PTPRG: variants seen among roughly 807,000 people sequenced by gnomAD.
PTPRG encodes protein tyrosine phosphatase receptor type G.
Under a neutral mutation model 165.3 loss-of-function variants are expected in PTPRG, and 102 were observed. The ratio of observed to expected loss-of-function variants is 0.62; its 90% CI spans 0.53 to 0.73. PTPRG has a LOEUF of 0.73. Ranked by LOEUF, PTPRG falls within the 30% of genes least tolerant of loss-of-function variation. The pLI is 0.00. For synonymous variants in PTPRG, 675 were observed against 669.5 expected (o/e 1.01, Z -0.13); for missense variants, 1,866 against 1,861.4 (o/e 1.00, Z -0.05).
At chr3:61,816,197 G>A (rs1287999464) in intron 2 of PTPRG, among the ~76,000 whole-genome samples, 1 of 152,196 alleles carries the variant, frequency 6.6e-6, no homozygotes, top group Non-Finnish European at 1.5e-5. Flanking sequence ...GTGACATGCT[G>A]TTGTTTTGTG....
intron 14 of PTPRG, among the ~76,000 whole-genome samples, chr3:62,236,635 C>A (rs1701039732): frequency 6.6e-6 from 1 of 152,190 alleles, no homozygotes; most frequent in Non-Finnish European, 1.5e-5. Flanking sequence ...CTACACACTG[C>A]TAATAAACTC....
At chr3:61,748,739 TTG>T (rs373588019) in intron 1 of PTPRG, 137 bp from the exon 2 acceptor site, 11 of 617,252 alleles carry the variant, frequency 1.8e-5, no homozygotes, top group South Asian at 4.2e-5. Flanking sequence ...TTTTTTTTTT[TTG>T]TAAAATAAGT....
intron 1 of PTPRG, among the ~76,000 whole-genome samples, chr3:61,735,524 C>A (rs1387020078): frequency 8.2e-6 from 1 of 121,226 alleles, no homozygotes; most frequent in East Asian, 2.5e-4. Flanking sequence ...ACCCCAATTC[C>A]TTGAGTTTTT....
At chr3:62,020,382 A>C (rs116416811) in intron 4 of PTPRG, among the ~76,000 whole-genome samples, 2 of 152,200 alleles carry the variant, frequency 1.3e-5, no homozygotes, top group Non-Finnish European at 2.9e-5. Flanking sequence ...TTATTTTTGT[A>C]AGCTAGAACA....
chr3:62,215,108 T>C (rs947368367), intron 12 of PTPRG, among the ~76,000 whole-genome samples: 33 of 152,242 alleles, frequency 2.2e-4, no homozygotes, highest in Non-Finnish European at 2.8e-4. Context: ...CAGGAGATGA[T>C]GCTGGGTTGG....
At chr3:61,661,939 T>TC (rs1702679993) in intron 1 of PTPRG, among the ~76,000 whole-genome samples, 1 of 152,234 alleles carries the variant, frequency 6.6e-6, no homozygotes, top group South Asian at 2.1e-4. Flanking sequence ...GCTTAATGCC[T>TC]CATCAAGTAT....
At chr3:61,584,775 C>T (rs1361209852) in intron 1 of PTPRG, among the ~76,000 whole-genome samples, 2 of 152,050 alleles carry the variant, frequency 1.3e-5, no homozygotes, top group African/African-American at 2.4e-5. Flanking sequence ...TTTGTCCAGC[C>T]CTCACACGGA....
chr3:61,752,796 A>AAAAAAGC (rs2033488782), intron 2 of PTPRG, among the ~76,000 whole-genome samples: 1 of 82,064 alleles, frequency 1.2e-5, no homozygotes, highest in South Asian at 4.0e-4. Context: ...AAAAAAAAAA[A>AAAAAAGC]AAAAAGAAAA....
chr3:61,879,688 C>A (rs552112058), intron 2 of PTPRG, among the ~76,000 whole-genome samples: 2 of 152,192 alleles, frequency 1.3e-5, no homozygotes, highest in South Asian at 4.1e-4. Context: ...GGTTTTAATT[C>A]TTCCTTTGCA....
At chr3:62,270,466 C>G (rs1270646070) in intron 20 of PTPRG, among the ~76,000 whole-genome samples, 1 of 152,144 alleles carries the variant, frequency 6.6e-6, no homozygotes, top group Non-Finnish European at 1.5e-5. Flanking sequence ...CAGCAAAAAA[C>G]TTACAAAGCC....
At chr3:61,781,446 G>A (rs1402822912) in intron 2 of PTPRG, among the ~76,000 whole-genome samples, 1 of 152,094 alleles carries the variant, frequency 6.6e-6, no homozygotes, top group Non-Finnish European at 1.5e-5. Flanking sequence ...AAACTAATGA[G>A]GAATACTCTG....
intron 1 of PTPRG, among the ~76,000 whole-genome samples, chr3:61,567,589 C>T (rs1210269915): frequency 1.3e-5 from 2 of 149,544 alleles, no homozygotes; most frequent in Admixed American, 6.8e-5. Context: ...TTGCTTGAGC[C>T]CACGAGGTTG....
intron 5 of PTPRG, among the ~76,000 whole-genome samples, chr3:62,084,823 A>G (rs1435105748): frequency 6.6e-6 from 1 of 152,186 alleles, no homozygotes; most frequent in Non-Finnish European, 1.5e-5. Flanking sequence ...TTTCTTCTGC[A>G]TTAATACTGT....
chr3:61,798,925 C>T (rs1308048102), intron 2 of PTPRG, among the ~76,000 whole-genome samples: 2 of 152,074 alleles, frequency 1.3e-5, no homozygotes, highest in African/African-American at 2.4e-5. Flanking sequence ...GCCAGCCTTC[C>T]GTTCCTGAGC....
intron 1 of PTPRG, among the ~76,000 whole-genome samples, chr3:61,725,106 C>G (rs577789602): frequency 2.0e-5 from 3 of 152,082 alleles, no homozygotes; most frequent in Non-Finnish European, 4.4e-5. Flanking sequence ...GAGTTTCATA[C>G]TTTACATTTA....
chr3:61,999,137 C>T (rs1474982909), intron 3 of PTPRG, among the ~76,000 whole-genome samples: 1 of 152,102 alleles, frequency 6.6e-6, no homozygotes, highest in Non-Finnish European at 1.5e-5. Flanking sequence ...CCTCCGCCTC[C>T]TGGGTTCAAG....
chr3:61,672,768 G>T (rs1466477933), intron 1 of PTPRG, among the ~76,000 whole-genome samples: 2 of 143,028 alleles, frequency 1.4e-5, no homozygotes, highest in Non-Finnish European at 1.5e-5. Flanking sequence ...GGGAGAAGAG[G>T]GAGAGGGAGA....
chr3:62,091,234 CA>C (rs1451947428), intron 5 of PTPRG, among the ~76,000 whole-genome samples: 3 of 152,192 alleles, frequency 2.0e-5, no homozygotes, highest in African/African-American at 7.2e-5. Context: ...GAGGGTGCTT[CA>C]GATCTGATTG....
chr3:61,614,116 CCT>C (rs1184161342), intron 1 of PTPRG, among the ~76,000 whole-genome samples: 2 of 152,188 alleles, frequency 1.3e-5, no homozygotes, highest in African/African-American at 2.4e-5. Flanking sequence ...CATGGGCCTG[CCT>C]CCGCCTCTCA....
Sources: allele counts gnomAD v4.1 joint callset (sites outside exome capture counted in the v4.1 genomes callset), GRCh38; gene constraint gnomAD v4.1.1; transcripts MANE v1.5; gene names NCBI Gene and HGNC (gene_info 2026-07-23, HGNC 2026-07-21).